Variants in ITSN1 observed in about 807,000 individuals in gnomAD.
ITSN1 encodes intersectin-1.
Under a neutral mutation model 239.8 loss-of-function variants are expected in ITSN1, and 58 were observed. The observed-to-expected ratio is 0.24, with a 90% confidence interval of 0.20 to 0.30. The LOEUF (loss-of-function observed/expected upper bound fraction) is 0.30, where lower values mean the gene tolerates loss of function less well. Among genes scored for constraint, ITSN1 ranks in the 10% least tolerant of loss-of-function variants. The probability of loss-of-function intolerance (pLI) is 1.00; values close to 1 mark genes in which losing one functional copy is unlikely to be tolerated. For synonymous variants in ITSN1, 780 were observed against 770.8 expected (o/e 1.01, Z -0.20); for missense variants, 1,558 against 2,103.3 (o/e 0.74, Z 5.07).
At chr21:33,747,502 A>G (rs1484477966) in intron 5 of ITSN1, among the ~76,000 whole-genome samples, 1 of 138,386 alleles carries the variant, frequency 7.2e-6, no homozygotes, top group Admixed American at 7.4e-5. Context: ...CACCTCAAGT[A>G]GGGTAAATAC....
At position 33,865,131 on chromosome 21, in the gene ITSN1, C is replaced by A; in HGVS notation, c.3891-20C>A. On this transcript the variant is annotated intron_variant, in intron 31 of 39. Transcript: ENST00000381318. This position sits in a 1 kb window ranked among gnomAD's most constrained non-coding sequence, Gnocchi z 4.4. ...AGATAGCGTGAAAGCAGGGGGCTCA[C>A]CTCCCGTGTTTCCGTGCAGAGCGCT... 1 of 1,602,384 alleles carries A rather than the reference C, an allele frequency of 6.2e-7. No individual in the cohort carries two copies. The highest frequency in any genetic ancestry group is 8.5e-7 in the Non-Finnish European group (1 of 1,172,940).
intron 29 of ITSN1, among the ~76,000 whole-genome samples, chr21:33,853,865 C>T (rs1442176344): frequency 1.3e-5 from 2 of 152,154 alleles, no homozygotes; most frequent in African/African-American, 4.8e-5. Flanking sequence ...GGGGACAGTA[C>T]TGACCTCAAC....
At chr21:33,757,791 T>C (rs947983482) in intron 8 of ITSN1, among the ~76,000 whole-genome samples, 4 of 152,166 alleles carry the variant, frequency 2.6e-5, no homozygotes, top group African/African-American at 7.2e-5. Context: ...AAAAGAAATA[T>C]ATAATTTATA....
chr21:33,746,412 A>G (rs560616368), intron 5 of ITSN1, among the ~76,000 whole-genome samples: 2 of 152,370 alleles, frequency 1.3e-5, no homozygotes, highest in African/African-American at 2.4e-5. Context: ...CAAAGCAGCA[A>G]TTACGTTCAA....
intron 1 of ITSN1, among the ~76,000 whole-genome samples, chr21:33,673,786 A>G (rs760087757): frequency 2.0e-5 from 3 of 152,204 alleles, no homozygotes; most frequent in Non-Finnish European, 4.4e-5. Context: ...TATTGAACAA[A>G]TGAATGTGGC....
intron 22 of ITSN1, among the ~76,000 whole-genome samples, chr21:33,816,911 T>C (rs533975957): frequency 1.3e-5 from 2 of 152,236 alleles, no homozygotes; most frequent in East Asian, 1.9e-4. Flanking sequence ...ATAGGGATGT[T>C]GTGGGTTTAA....
chr21:33,883,823 C>G, intron 36 of ITSN1, 152 bp downstream of exon 36: 2 of 770,448 alleles, frequency 2.6e-6, no homozygotes, highest in Non-Finnish European at 3.8e-6. Context: ...CTTTTTTCTA[C>G]AGCCTCTCAA....
intron 31 of ITSN1, among the ~76,000 whole-genome samples, chr21:33,862,703 C>A (rs1197060886): frequency 6.6e-6 from 1 of 152,174 alleles, no homozygotes; most frequent in African/African-American, 2.4e-5. Context: ...GTGGTCCCAA[C>A]CATGGGCTCT....
At chr21:33,761,805 T>G in intron 8 of ITSN1, 118 bp from the exon 9 acceptor site, 3 of 716,494 alleles carry the variant, frequency 4.2e-6, no homozygotes, top group Non-Finnish European at 7.5e-6. Flanking sequence ...CAAATGTTAT[T>G]TAAAGCATTG....
intron 4 of ITSN1, among the ~76,000 whole-genome samples, chr21:33,729,149 C>T (rs2066008979): frequency 6.6e-6 from 1 of 152,162 alleles, no homozygotes. Flanking sequence ...CATTCACCTC[C>T]ACTACAAACA....
chr21:33,870,955 G>A (rs1367209346), intron 33 of ITSN1, among the ~76,000 whole-genome samples: 2 of 152,122 alleles, frequency 1.3e-5, no homozygotes, highest in Non-Finnish European at 2.9e-5. Flanking sequence ...GTTTACATCT[G>A]CGTATGCCTG....
chr21:33,852,497 C>G (rs115251453), intron 29 of ITSN1, among the ~76,000 whole-genome samples: 1,924 of 152,274 alleles, frequency 0.013, 52 homozygotes, highest in African/African-American at 0.044. Flanking sequence ...ATACAAATAT[C>G]AGTTGAGGGA....
At chr21:33,878,933 G>A (rs1272119590) in intron 34 of ITSN1, among the ~76,000 whole-genome samples, 1 of 152,208 alleles carries the variant, frequency 6.6e-6, no homozygotes, top group Non-Finnish European at 1.5e-5. Context: ...CAAGATGTGA[G>A]GGGTAAGGAG....
intron 1 of ITSN1, among the ~76,000 whole-genome samples, chr21:33,648,524 T>A (rs547011346): frequency 2.0e-5 from 3 of 152,272 alleles, no homozygotes; most frequent in Non-Finnish European, 1.5e-5. Flanking sequence ...TCCCTTTCAC[T>A]GAAGAGTTGG....
At position 33,888,399 on chromosome 21, in the gene ITSN1, C is replaced by T. The variant is rs1393992976; in HGVS notation, c.*99C>T. 5 of 1,274,656 alleles carry T rather than the reference C, an allele frequency of 3.9e-6. No homozygotes were observed. Among genetic ancestry groups the T allele is most frequent in the Non-Finnish European group, 4.3e-6 (4 of 927,586 alleles). 79.0% of individuals were successfully genotyped at this position (1,274,656 alleles called of 1,614,324 possible). ...TTCTAAGAAACCACCATTTGGTATT[C>T]AGTCACAGGGATATGGGATGGCAAA... On this transcript the variant is annotated 3_prime_UTR_variant, in exon 40 of 40. Coordinates refer to ENST00000381318, the MANE Select transcript of ITSN1 (RefSeq NM_003024.3).
chr21:33,666,423 C>A lies in ITSN1; in HGVS notation c.-33+23710C>A, dbSNP rs530917139. 4.6e-5 allele frequency among the ~76,000 whole-genome samples: 7 copies of A among 152,082 alleles called. No homozygotes were observed. The South Asian group carries it at 1.5e-3, about 32-fold the overall frequency. On this transcript the variant is annotated intron_variant, in intron 1 of 39. Coordinates refer to ENST00000381318, the MANE Select transcript of ITSN1 (RefSeq NM_003024.3). ...TGAATTGCATACTTTAAAATCAGTT[C>A]AACAGTAAATTTTATGTTATTTGTA...
At chr21:33,788,084 CTT>C (rs1181497531) in intron 16 of ITSN1, among the ~76,000 whole-genome samples, 1 of 152,142 alleles carries the variant, frequency 6.6e-6, no homozygotes, top group African/African-American at 2.4e-5. Flanking sequence ...ACTTTCTTCT[CTT>C]AATGGAATAT....
chr21:33,834,486 G>C, intron 28 of ITSN1, 62 bp downstream of exon 28: 4 of 1,128,196 alleles, frequency 3.5e-6, no homozygotes, highest in Non-Finnish European at 4.0e-6. Context: ...TTTTCCACTT[G>C]ATTTTCTCAT....
chr21:33,704,630 T>G lies in ITSN1; in HGVS notation c.-32-14167T>G, dbSNP rs186674768. ...GGTGTACTTGCAAGCACTTAAACTT[T>G]CCATTCGTTATTATAAGCTATTACT... is the stretch of plus-strand genomic sequence containing the variant. On this transcript the variant is annotated intron_variant, in intron 1 of 39. Coordinates refer to ENST00000381318, the MANE Select transcript of ITSN1 (RefSeq NM_003024.3). 1.8e-3 allele frequency among the ~76,000 whole-genome samples: 269 copies of G among 152,302 alleles called. 1 individual carries two copies. The highest frequency in any genetic ancestry group is 6.4e-3 in the African/African-American group (266 of 41,566).
Sources: gnomAD v4.1 joint callset for allele counts (sites outside exome capture counted in the v4.1 genomes callset) on GRCh38, gnomAD v4.1.1 for gene constraint, Gnocchi (gnomAD v3.1) non-coding constraint, MANE v1.5 for transcripts, NCBI Gene and HGNC (gene_info 2026-07-23, HGNC 2026-07-21) for gene names.